SULT2B1: variants seen among roughly 807,000 people sequenced by gnomAD.
SULT2B1 encodes sulfotransferase family 2B member 1, also known as sulfotransferase 2B1.
In SULT2B1, 16 loss-of-function variants were observed where a neutral mutation model predicts 33.2. The ratio of observed to expected loss-of-function variants is 0.48; its 90% confidence interval spans 0.33 to 0.73. The LOEUF is 0.73. Among genes scored for constraint, SULT2B1 ranks in the 30% least tolerant of loss-of-function variants. The pLI is 0.02. For missense variants in SULT2B1, 500 were observed against 506.0 expected (o/e 0.99, Z 0.11); for synonymous variants, 186 against 200.5 (o/e 0.93, Z 0.61).
intron 6 of SULT2B1, among the ~76,000 whole-genome samples, chr19:48,597,157 A>G (rs554507114): frequency 6.6e-5 from 10 of 152,232 alleles, no homozygotes; most frequent in African/African-American, 2.2e-4. Flanking sequence ...ATCCAGGAGT[A>G]CTGCCAACGC....
intron 3 of SULT2B1, among the ~76,000 whole-genome samples, chr19:48,587,927 G>C (rs1293450742): frequency 7.1e-6 from 1 of 140,708 alleles, no homozygotes; most frequent in African/African-American, 2.7e-5. Context: ...AAAAAAAGCC[G>C]GTGCTGGCAT....
At chr19:48,567,264 A>G (rs2053076264) in intron 1 of SULT2B1, among the ~76,000 whole-genome samples, 1 of 151,922 alleles carries the variant, frequency 6.6e-6, no homozygotes, top group African/African-American at 2.4e-5. Flanking sequence ...GGGATCTGGC[A>G]AATAGAACAC....
At chr19:48,596,523 C>T (rs1224183004) in intron 5 of SULT2B1, 3 of 533,000 alleles carry the variant, frequency 5.6e-6, no homozygotes, top group Non-Finnish European at 9.8e-6. Flanking sequence ...CCCACCTATT[C>T]CCTCCCACCT....
chr19:48,590,230 C>T (rs1342299996), intron 3 of SULT2B1, among the ~76,000 whole-genome samples: 1 of 151,998 alleles, frequency 6.6e-6, no homozygotes, highest in Non-Finnish European at 1.5e-5. Flanking sequence ...CTCAGGTGAT[C>T]CACCCGCCTT....
intron 2 of SULT2B1, among the ~76,000 whole-genome samples, chr19:48,576,600 G>C (rs1032337367): frequency 6.7e-6 from 1 of 149,228 alleles, no homozygotes; most frequent in African/African-American, 2.5e-5. Context: ...GCCTCCCAAA[G>C]TGCTGGGACT....
chr19:48,560,288 C>T (rs1388807840), intron 1 of SULT2B1, among the ~76,000 whole-genome samples: 1 of 152,110 alleles, frequency 6.6e-6, no homozygotes, highest in Non-Finnish European at 1.5e-5. Context: ...TGAGCCAGGC[C>T]CTGTGCTGAA....
intron 2 of SULT2B1, among the ~76,000 whole-genome samples, chr19:48,582,134 A>G (rs989297859): frequency 4.7e-5 from 7 of 149,456 alleles, no homozygotes; most frequent in Non-Finnish European, 8.9e-5. Flanking sequence ...CGAACCCCTG[A>G]CCTCAGGAGA....
At chr19:48,558,611 C>T (rs1291395753) in intron 1 of SULT2B1, among the ~76,000 whole-genome samples, 3 of 151,954 alleles carry the variant, frequency 2.0e-5, no homozygotes, top group Non-Finnish European at 4.4e-5. Flanking sequence ...AGGGCTGAGC[C>T]ACATGAATGA....
In SULT2B1 at chr19:48,599,166, G is replaced by T. The variant is rs200065856; in HGVS notation, c.858G>T (p.Thr286=). 2 of 1,594,892 alleles carry T rather than the reference G, an allele frequency of 1.3e-6. No homozygotes were observed. The highest frequency in any genetic ancestry group is 2.3e-5 in the East Asian group (1 of 44,178). ...GCGGCGACTGGAAGAACCACTTCAC[G>T]GTGGCCCAGAGCGAAGCCTTCGATC... ...GVCGDWKNHF[T]VAQSEAFDRA... The change falls in exon 7 of 7, where the codon ACG becomes ACT. Residue 286 remains threonine, a synonymous_variant. Coordinates refer to ENST00000201586, the MANE Select transcript of SULT2B1 (RefSeq NM_177973.2). This position sits in a 1 kb window ranked among gnomAD's most constrained non-coding sequence, Gnocchi z 4.1.
intron 1 of SULT2B1, among the ~76,000 whole-genome samples, chr19:48,569,341 CAAAAA>C (rs1344178712): frequency 4.0e-5 from 1 of 24,902 alleles, no homozygotes; most frequent in African/African-American, 1.0e-4. Context: ...GACTCCGTCT[CAAAAA>C]AAAAAAAAAA....
chr19:48,569,958 G>A (rs997439204), intron 1 of SULT2B1, among the ~76,000 whole-genome samples: 3 of 152,180 alleles, frequency 2.0e-5, no homozygotes, highest in East Asian at 1.9e-4. Context: ...GAGCCACCTC[G>A]TCAAGATTGT....
At chr19:48,568,411 C>A (rs111697891) in intron 1 of SULT2B1, among the ~76,000 whole-genome samples, 3 of 152,080 alleles carry the variant, frequency 2.0e-5, no homozygotes, top group African/African-American at 7.2e-5. Flanking sequence ...AAGACCCAAG[C>A]CCTGAAGACA....
intron 1 of SULT2B1, among the ~76,000 whole-genome samples, chr19:48,565,931 T>A (rs1050060733): frequency 6.7e-6 from 1 of 150,096 alleles, no homozygotes; most frequent in Non-Finnish European, 1.5e-5. Context: ...TTTTTTTTTT[T>A]AGACGGAGTC....
chr19:48,572,235 C>T (rs2147608389), intron 1 of SULT2B1, among the ~76,000 whole-genome samples: 1 of 152,156 alleles, frequency 6.6e-6, no homozygotes, highest in East Asian at 1.9e-4. Flanking sequence ...GACATCTGTG[C>T]TGGGAGCGGT....
At chr19:48,577,286 A>T (rs1394232425) in intron 2 of SULT2B1, among the ~76,000 whole-genome samples, 1 of 138,238 alleles carries the variant, frequency 7.2e-6, no homozygotes, top group Non-Finnish European at 1.5e-5. Flanking sequence ...TGAACTCCTG[A>T]CCTCATGATC....
chr19:48,562,477 G>A (rs548069097), intron 1 of SULT2B1, among the ~76,000 whole-genome samples: 4 of 149,022 alleles, frequency 2.7e-5, no homozygotes, highest in Admixed American at 6.7e-5. Context: ...CTTGAACCCC[G>A]GGAGGTAGGG....
intron 1 of SULT2B1, among the ~76,000 whole-genome samples, chr19:48,560,428 C>T (rs2147598298): frequency 6.6e-6 from 1 of 151,876 alleles, no homozygotes; most frequent in Admixed American, 6.6e-5. Flanking sequence ...AGGAATCCAA[C>T]AGGGGCTTGG....
chr19:48,588,037 A>G (rs1973590353), intron 3 of SULT2B1, among the ~76,000 whole-genome samples: 1 of 151,168 alleles, frequency 6.6e-6, no homozygotes, highest in African/African-American at 2.4e-5. Flanking sequence ...TGGTGAAACC[A>G]TGTCTCTACT....
chr19:48,562,613 ATTATT>A (rs1172352251), intron 1 of SULT2B1, among the ~76,000 whole-genome samples: 6 of 152,122 alleles, frequency 3.9e-5, no homozygotes, highest in Non-Finnish European at 7.3e-5. Context: ...TTTTATTATT[ATTATT>A]TTATTTATAG....
Sources: gnomAD v4.1 joint callset for allele counts (sites outside exome capture counted in the v4.1 genomes callset) on GRCh38, gnomAD v4.1.1 for gene constraint, Gnocchi (gnomAD v3.1) non-coding constraint, MANE v1.5 for transcripts, NCBI Gene and HGNC (gene_info 2026-07-23, HGNC 2026-07-21) for gene names.